Variants in CCDC178 observed in about 807,000 individuals in gnomAD.
CCDC178 encodes coiled-coil domain containing 178, also known as coiled-coil domain-containing protein 178.
CCDC178 carries 126 observed loss-of-function variants against 117.4 expected under a neutral mutation model. The ratio of observed to expected loss-of-function variants is 1.07; its 90% CI spans 0.93 to 1.24. CCDC178 has a LOEUF of 1.24. Ranked by LOEUF, CCDC178 falls within the 50% of genes most tolerant of loss-of-function variation. CCDC178 has a pLI of 0.00. For missense variants in CCDC178, 1,030 were observed against 986.9 expected (o/e 1.04, Z -0.59); for synonymous variants, 283 against 313.4 (o/e 0.90, Z 1.02).
At chr18:33,181,629 T>C (rs765419725) in intron 20 of CCDC178, among the ~76,000 whole-genome samples, 3 of 151,952 alleles carry the variant, frequency 2.0e-5, no homozygotes, top group Non-Finnish European at 4.4e-5. Flanking sequence ...TGATTTTTAA[T>C]ACAAACTTTT....
intron 10 of CCDC178, chr18:33,328,082 GATTTTTTTTTTTTTTTTTTT>G (rs777816467): frequency 0.041 from 10,023 of 247,382 alleles, 191 homozygotes; most frequent in South Asian, 0.081. Flanking sequence ...TTTATCCCTA[GATTTTTTTTTTTTTTTTTTT>G]TTTTTTTTTT....
chr18:33,356,228 T>C, intron 7 of CCDC178, 96 bp downstream of exon 7: 1 of 1,243,122 alleles, frequency 8.0e-7, no homozygotes, highest in Non-Finnish European at 1.1e-6. Context: ...TGCATTCGAT[T>C]TTCTATTCCT....
intron 2 of CCDC178, among the ~76,000 whole-genome samples, chr18:33,425,684 G>A (rs969118850): frequency 2.3e-4 from 35 of 152,290 alleles, no homozygotes; most frequent in African/African-American, 8.2e-4. Flanking sequence ...TGCTGCTTGA[G>A]TCTGTTCTCT....
intron 2 of CCDC178, among the ~76,000 whole-genome samples, chr18:33,436,002 G>C (rs2064285147): frequency 6.6e-6 from 1 of 151,952 alleles, no homozygotes; most frequent in Non-Finnish European, 1.5e-5. Context: ...TTCATGAGAA[G>C]GTTTGATGGA....
chr18:33,052,134 G>C (rs1459844737), intron 21 of CCDC178, among the ~76,000 whole-genome samples: 1 of 151,946 alleles, frequency 6.6e-6, no homozygotes, highest in Non-Finnish European at 1.5e-5. Context: ...TTTTTTTTTA[G>C]AAGAAGCTAA....
intron 20 of CCDC178, among the ~76,000 whole-genome samples, chr18:33,191,558 T>C (rs1453601360): frequency 1.3e-5 from 2 of 152,272 alleles, no homozygotes; most frequent in East Asian, 3.9e-4. Flanking sequence ...CCAGAATATA[T>C]AATATTAGAT....
chr18:33,290,760 T>C (rs1421973215), intron 12 of CCDC178, among the ~76,000 whole-genome samples: 3 of 151,966 alleles, frequency 2.0e-5, no homozygotes, highest in Non-Finnish European at 2.9e-5. Flanking sequence ...GATGGTCAAA[T>C]AGATCAAAGT....
chr18:33,146,992 A>C (rs1441187687), intron 20 of CCDC178, among the ~76,000 whole-genome samples: 2 of 152,142 alleles, frequency 1.3e-5, no homozygotes, highest in Non-Finnish European at 2.9e-5. Flanking sequence ...AAAACTGTGA[A>C]GCCCTGATCC....
intron 20 of CCDC178, among the ~76,000 whole-genome samples, chr18:33,096,969 C>T (rs1192805246): frequency 1.3e-5 from 2 of 152,086 alleles, no homozygotes; most frequent in South Asian, 2.1e-4. Flanking sequence ...AAGACAAGGC[C>T]GAGAGATATC....
chr18:33,209,955 G>C (rs994691531), intron 20 of CCDC178, among the ~76,000 whole-genome samples: 6 of 152,024 alleles, frequency 3.9e-5, no homozygotes, highest in African/African-American at 1.4e-4. Context: ...CACACAGACA[G>C]AGAGAGATTG....
chr18:33,148,785 C>T (rs1444747067), intron 20 of CCDC178, among the ~76,000 whole-genome samples: 1 of 152,128 alleles, frequency 6.6e-6, no homozygotes. Context: ...AAGGAAGTGA[C>T]TTGGTGAGAC....
rs772064858 is a variant in CCDC178 at position 33,215,634 on chromosome 18, TA to T, written c.1993del (p.Tyr665MetfsTer4). The part of the protein sequence containing the change: ...EATKSKTMIF[Y>X]AKINELNEEL... ...CTCATTCAATTCATTTATTTTTGCA[TA>T]AAAAATCATTGTCTTACTTTTAGTT... On this transcript the variant is annotated frameshift_variant, in exon 19 of 23. Transcript: ENST00000383096. LOFTEE classifies it high-confidence loss of function. 1 of 1,535,404 alleles carries T rather than the reference TA, an allele frequency of 6.5e-7. No individual in the cohort carries two copies.
At chr18:33,369,507 T>C (rs899257358) in intron 6 of CCDC178, among the ~76,000 whole-genome samples, 1 of 152,024 alleles carries the variant, frequency 6.6e-6, no homozygotes, top group African/African-American at 2.4e-5. Context: ...GTATGAGAAG[T>C]GGTATTTTTT....
At chr18:32,994,171 G>T (rs537848722) in intron 21 of CCDC178, among the ~76,000 whole-genome samples, 1 of 147,366 alleles carries the variant, frequency 6.8e-6, no homozygotes, top group African/African-American at 2.7e-5. Flanking sequence ...CCCTCCAATT[G>T]GTTACTAAAT....
At chr18:33,427,050 A>C (rs1487312041) in intron 2 of CCDC178, among the ~76,000 whole-genome samples, 1 of 152,160 alleles carries the variant, frequency 6.6e-6, no homozygotes, top group African/African-American at 2.4e-5. Flanking sequence ...TTTATAATAA[A>C]CTATATGTCA....
chr18:32,986,364 C>G (rs1803859360), intron 21 of CCDC178, among the ~76,000 whole-genome samples: 1 of 151,912 alleles, frequency 6.6e-6, no homozygotes, highest in Non-Finnish European at 1.5e-5. Context: ...TTTGTTTTCC[C>G]CTTGGCTTGC....
intron 8 of CCDC178, 110 bp from the exon 9 acceptor site, chr18:33,346,521 G>A (rs1255510950): frequency 2.2e-6 from 1 of 462,872 alleles, no homozygotes; most frequent in Non-Finnish European, 3.5e-6. Flanking sequence ...TTTAATAAGA[G>A]AATGTTAGAA....
chr18:33,428,624 C>A (rs893037346), intron 2 of CCDC178, among the ~76,000 whole-genome samples: 1 of 147,814 alleles, frequency 6.8e-6, no homozygotes, highest in Non-Finnish European at 1.5e-5. Context: ...CCCAGCTACT[C>A]GGGAGGCTGA....
chr18:33,063,597 G>A (rs2056965267), intron 21 of CCDC178, among the ~76,000 whole-genome samples: 1 of 152,136 alleles, frequency 6.6e-6, no homozygotes, highest in Non-Finnish European at 1.5e-5. Flanking sequence ...GGGTTGGCCT[G>A]CCACTATAAC....
Sources: gnomAD v4.1 joint callset for allele counts (sites outside exome capture counted in the v4.1 genomes callset) on GRCh38, gnomAD v4.1.1 for gene constraint, MANE v1.5 for transcripts, NCBI Gene and HGNC (gene_info 2026-07-23, HGNC 2026-07-21) for gene names.